Variants in YY1 observed in about 807,000 individuals in gnomAD.
YY1 encodes YY1 transcription factor.
In YY1, 2 loss-of-function variants were observed where a neutral mutation model predicts 35.6. The observed-to-expected ratio is 0.06, with a 90% CI of 0.02 to 0.18. YY1 has a LOEUF of 0.18. YY1 is among the 10% of genes least tolerant of loss of function. YY1 has a pLI of 1.00. For synonymous variants in YY1, 268 were observed against 238.9 expected (o/e 1.12, Z -1.12); for missense variants, 322 against 573.4 (o/e 0.56, Z 4.48).
Position 100,239,147 on chromosome 14 carries a change from C to T in YY1, c.-98C>T, listed in dbSNP as rs866902567. On this transcript the variant is annotated 5_prime_UTR_variant, in exon 1 of 5. Coordinates refer to ENST00000262238, the MANE Select transcript of YY1 (RefSeq NM_003403.5). ...CCCCCGCCCGCTCGCCGCCTTCCTC[C>T]CTCTGCCTTCCTTCCCCACGGCCGG... 4.5e-5 allele frequency: 54 copies of T among 1,211,158 alleles called. No homozygotes were observed. Among genetic ancestry groups the T allele is most frequent in the Middle Eastern group, 3.1e-4 (1 of 3,216 alleles). 75.0% of individuals were successfully genotyped at this position (1,211,158 alleles called of 1,614,324 possible).
chr14:100,278,164 G>A lies in YY1; in HGVS notation c.*564G>A, dbSNP rs1164217066. 1.3e-5 allele frequency: 2 copies of A among 154,714 alleles called. No individual in the cohort carries two copies. The highest frequency in any genetic ancestry group is 4.8e-5 in the African/African-American group (2 of 41,360). The allele number at this position is 154,714 out of a possible 1,614,324, so 9.6% of individuals were successfully genotyped here. A position where few individuals can be genotyped will look rare whatever the true frequency, so the allele number is the denominator to read the frequency against. On this transcript the variant is annotated 3_prime_UTR_variant, in exon 5 of 5. Transcript: ENST00000262238. ...AAAAAAAGTTATATAGGTTTTGTTT[G>A]CTATCTTAATTTTGGTTGTATTCTT...
At chr14:100,262,009 G>A (rs1304681591) in intron 1 of YY1, among the ~76,000 whole-genome samples, 1 of 152,188 alleles carries the variant, frequency 6.6e-6, no homozygotes, top group Non-Finnish European at 1.5e-5. Context: ...AATTAGCTGG[G>A]TGTGGTGGCA....
Position 100,276,316 on chromosome 14 carries a change from C to G in YY1, c.904-174C>G. On this transcript the variant is annotated intron_variant, in intron 3 of 4. Transcript: ENST00000262238. This position sits in a 1 kb window ranked among gnomAD's most constrained non-coding sequence, Gnocchi z 4.1. ...TTGCATTGAATGATGACTTTTTCAG[C>G]TGTCTGCTTTTTGTCTTAAATGATA... 1.2e-6 allele frequency: 1 copy of G among 840,500 alleles called. No individual in the cohort carries two copies. The highest frequency in any genetic ancestry group is 1.8e-6 in the Non-Finnish European group (1 of 548,626). 52.1% of individuals were successfully genotyped at this position (840,500 alleles called of 1,614,324 possible). A position where few individuals can be genotyped will look rare whatever the true frequency, so the allele number is the denominator to read the frequency against.
intron 1 of YY1, among the ~76,000 whole-genome samples, chr14:100,254,929 A>G (rs1294179320): frequency 9.4e-6 from 1 of 105,970 alleles, no homozygotes; most frequent in Non-Finnish European, 1.8e-5. Context: ...GCCCGCCACC[A>G]CGCCCAGCTA....
chr14:100,262,297 G>A lies in YY1; in HGVS notation c.680-7G>A, dbSNP rs1443880848. On this transcript the variant is annotated splice_polypyrimidine_tract_variant and splice_region_variant and intron_variant, in intron 1 of 4. Coordinates refer to ENST00000262238, the MANE Select transcript of YY1 (RefSeq NM_003403.5). Reference sequence around the variant, plus strand: ...TCAGCTAAAGATAATCTCATGATGTGTTTCAGATGAAAAAAAAGATATTGA... The same window carrying A: ...TCAGCTAAAGATAATCTCATGATGTATTTCAGATGAAAAAAAAGATATTGA... The A allele has an allele frequency of 1.2e-6, 2 of 1,613,250 alleles. No individual in the cohort carries two copies. The highest frequency in any genetic ancestry group is 1.1e-5 in the South Asian group (1 of 91,020).
At position 100,276,685 on chromosome 14, in the gene YY1, C is replaced by T. The variant is rs879608219; in HGVS notation, c.1062+37C>T. On this transcript the variant is annotated intron_variant, in intron 4 of 4. Coordinates refer to ENST00000262238, the MANE Select transcript of YY1 (RefSeq NM_003403.5). The surrounding 1 kb of genome is among the most constrained non-coding windows in gnomAD (Gnocchi z 4.1). ...TCCCTCTCTTCCCCACACTGCCTTG[C>T]CTGTCTGAACACTGCAAGTGTAGGT... 23 of 1,613,660 alleles carry T rather than the reference C, an allele frequency of 1.4e-5. No homozygotes were observed. Among genetic ancestry groups the T allele is most frequent in the Non-Finnish European group, 1.9e-5 (23 of 1,179,918 alleles).
rs900422989 is a variant in YY1 at position 100,276,745 on chromosome 14, G to A, written c.1062+97G>A. 3.2e-6 allele frequency: 5 copies of A among 1,578,426 alleles called. No homozygotes were observed. The highest frequency in any genetic ancestry group is 1.7e-5 in the Admixed American group (1 of 59,250). ...ATGAGGCAGGAGGCGCCAGCCCAGA[G>A]ACTCAGGGTCTTATTACTCCTTGGT... is the stretch of plus-strand genomic sequence containing the variant. On this transcript the variant is annotated intron_variant, in intron 4 of 4. Transcript: ENST00000262238. This position sits in a 1 kb window ranked among gnomAD's most constrained non-coding sequence, Gnocchi z 4.1.
intron 1 of YY1, among the ~76,000 whole-genome samples, chr14:100,261,633 AC>A (rs1341659143): frequency 1.3e-5 from 2 of 152,214 alleles, no homozygotes; most frequent in Non-Finnish European, 2.9e-5. Context: ...AGCTATAATT[AC>A]AAATTTTAGT....
intron 2 of YY1, among the ~76,000 whole-genome samples, chr14:100,266,915 T>C (rs552020799): frequency 1.3e-4 from 20 of 152,240 alleles, no homozygotes; most frequent in Non-Finnish European, 1.2e-4. Flanking sequence ...TTTGAAGATA[T>C]AATACAGCGA....
intron 1 of YY1, among the ~76,000 whole-genome samples, chr14:100,258,666 A>G (rs1313651255): frequency 6.6e-6 from 1 of 152,196 alleles, no homozygotes; most frequent in African/African-American, 2.4e-5. Flanking sequence ...ATGAGTTTAC[A>G]TCAGCCACTT....
At chr14:100,252,410 T>G (rs1890938071) in intron 1 of YY1, among the ~76,000 whole-genome samples, 1 of 152,232 alleles carries the variant, frequency 6.6e-6, no homozygotes, top group Non-Finnish European at 1.5e-5. Context: ...TAGAAACTTT[T>G]AAATGTGAGT....
At chr14:100,242,880 C>T (rs1198096075) in intron 1 of YY1, among the ~76,000 whole-genome samples, 1 of 152,164 alleles carries the variant, frequency 6.6e-6, no homozygotes, top group Non-Finnish European at 1.5e-5. Context: ...TCCCAAGTAG[C>T]TGGGATTGCA....
chr14:100,239,736 G>A lies in YY1; in HGVS notation c.492G>A (p.Ser164=). The A allele has an allele frequency of 6.3e-7, 1 of 1,590,680 alleles. No individual in the cohort carries two copies. Among genetic ancestry groups the A allele is most frequent in the Non-Finnish European group, 8.5e-7 (1 of 1,173,304 alleles). Residue 164 remains serine (S), a synonymous_variant, in exon 1 of 5, where the codon TCG becomes TCA. Transcript: ENST00000262238. ...AAAGKSGGGG[S]SSSGGGRVKK... Reference sequence around the variant, plus strand: ...CCGGCAAGAGCGGCGGCGGCGGCTCGTCGTCGTCGGGAGGCGGCCGCGTCA... The same window carrying A: ...CCGGCAAGAGCGGCGGCGGCGGCTCATCGTCGTCGGGAGGCGGCCGCGTCA...
At chr14:100,264,994 A>T (rs1891133023) in intron 2 of YY1, among the ~76,000 whole-genome samples, 1 of 151,908 alleles carries the variant, frequency 6.6e-6, no homozygotes. Context: ...GCTGAGTGGG[A>T]GGATCGTTTG....
At chr14:100,262,770 G>A (rs1224292972) in intron 2 of YY1, among the ~76,000 whole-genome samples, 4 of 152,026 alleles carry the variant, frequency 2.6e-5, no homozygotes, top group Non-Finnish European at 5.9e-5. Context: ...ATTAATGTGA[G>A]TGGCAGCATT....
intron 1 of YY1, among the ~76,000 whole-genome samples, chr14:100,251,105 C>A (rs1890918405): frequency 6.6e-6 from 1 of 152,136 alleles, no homozygotes; most frequent in African/African-American, 2.4e-5. Flanking sequence ...ATAGCCAGAT[C>A]CTAATTCTTG....
chr14:100,240,603 C>G (rs1215801827), intron 1 of YY1, among the ~76,000 whole-genome samples: 1 of 152,144 alleles, frequency 6.6e-6, no homozygotes, highest in African/African-American at 2.4e-5. Context: ...CACGCTCGCC[C>G]AAGTCGTCGT....
At chr14:100,248,365 G>T (rs149562196) in intron 1 of YY1, among the ~76,000 whole-genome samples, 1,623 of 152,020 alleles carry the variant, frequency 0.011, 35 homozygotes, top group African/African-American at 0.037. Flanking sequence ...CTCGTGATCC[G>T]CCCGCCTTGG....
In YY1 at chr14:100,239,281, G is replaced by A; in HGVS notation, c.37G>A (p.Gly13Ser). Residue 13 changes from glycine to serine, a missense_variant, in exon 1 of 5, where the codon GGC becomes AGC. Gly to Ser is a moderately conservative substitution (Grantham distance 56). Around this residue, in one of 4 missense-constraint regions of YY1, gnomAD observed 137 missense variants for 167.0 expected, o/e 0.82. Transcript: ENST00000262238. ...SGDTLYIATD[G>S]SEMPAEIVEL... ...CGACACCCTCTACATCGCCACGGACGGCTCGGAGATGCCGGCCGAGATCGT... is the reference window on the plus strand; with the variant it reads ...CGACACCCTCTACATCGCCACGGACAGCTCGGAGATGCCGGCCGAGATCGT... The A allele has an allele frequency of 6.3e-7, 1 of 1,591,622 alleles. No homozygotes were observed.
Sources: gnomAD v4.1 joint callset for allele counts (sites outside exome capture counted in the v4.1 genomes callset) on GRCh38, gnomAD v4.1.1 for gene constraint, gnomAD v4.1.1 regional missense constraint, Gnocchi (gnomAD v3.1) non-coding constraint, MANE v1.5 for transcripts, NCBI Gene and HGNC (gene_info 2026-07-23, HGNC 2026-07-21) for gene names.